Variants in MTF2 observed in about 807,000 individuals in gnomAD.
MTF2 encodes metal-response element-binding transcription factor 2.
A neutral mutation model predicts 79.5 loss-of-function variants in MTF2; 11 were observed. The ratio of observed to expected loss-of-function variants is 0.14; its 90% CI spans 0.09 to 0.23. The LOEUF (loss-of-function observed/expected upper bound fraction) is 0.23. Among genes scored for constraint, MTF2 ranks in the 10% least tolerant of loss-of-function variants. The probability of loss-of-function intolerance (pLI) is 1.00; values close to 1 mark genes in which losing one functional copy is unlikely to be tolerated. For synonymous variants in MTF2, 208 were observed against 232.8 expected, an observed-to-expected ratio of 0.89 and a Z score of 0.97; for missense variants, 486 against 711.2, an observed-to-expected ratio of 0.68 and a Z score of 3.60.
chr1:93,095,894 T>G (rs1444937045), intron 1 of MTF2, among the ~76,000 whole-genome samples: 1 of 151,904 alleles, frequency 6.6e-6, no homozygotes, highest in Non-Finnish European at 1.5e-5. Context: ...GACCTTGTGA[T>G]CCGCCCACCT....
chr1:93,137,848 G>T lies in MTF2; in HGVS notation c.*821G>T, dbSNP rs1647463555. 1 of 152,164 alleles carries T rather than the reference G, an allele frequency of 6.6e-6. No individual in the cohort carries two copies. The highest frequency in any genetic ancestry group is 6.5e-5 in the Admixed American group (1 of 15,280). 9.4% of individuals were successfully genotyped at this position (152,164 alleles called of 1,614,324 possible). A position where few individuals can be genotyped will look rare whatever the true frequency, so the allele number is the denominator to read the frequency against. On this transcript the variant is annotated 3_prime_UTR_variant, in exon 15 of 15. Transcript: ENST00000370298. ...TCTGAAGAAGGGTGTGAACAACAGT[G>T]TTCATGGGCTTTTAGAATGCTTTTC...
At chr1:93,106,602 C>G (rs977833482) in intron 1 of MTF2, among the ~76,000 whole-genome samples, 1 of 151,986 alleles carries the variant, frequency 6.6e-6, no homozygotes, top group African/African-American at 2.4e-5. Context: ...TCACTGCAAC[C>G]TCCACCTCCT....
chr1:93,136,109 T>C (rs991789785), intron 14 of MTF2, among the ~76,000 whole-genome samples: 1 of 152,168 alleles, frequency 6.6e-6, no homozygotes. Context: ...AACATAGAGA[T>C]TGAGATTTGA....
chr1:93,129,447 A>G lies in MTF2; in HGVS notation c.1159A>G (p.Arg387Gly). ...RKASKPISDS[R>G]EVSNGIEKKG... The stretch of plus-strand genomic sequence containing the variant: ...GGCATCCAAACCTATATCTGATTCA[A>G]GGTAAAAGTTGATCTGTGGCTTAGT... The change falls in exon 11 of 15, where the codon AGG (arginine) becomes GGG (glycine). Residue 387 changes from arginine to glycine, a missense_variant and splice_region_variant. By Grantham distance (125) the Arg-to-Gly change is moderately radical. Around this residue, in one of 4 missense-constraint regions of MTF2, gnomAD observed 209 missense variants for 206.5 expected, o/e 1.01. Transcript: ENST00000370298. 6.7e-7 allele frequency: 1 copy of G among 1,490,620 alleles called. No individual in the cohort carries two copies. Among genetic ancestry groups the G allele is most frequent in the Non-Finnish European group, 9.0e-7 (1 of 1,108,868 alleles). The allele number at this position is 1,490,620 out of a possible 1,614,324, so 92.3% of individuals were successfully genotyped here. A position where few individuals can be genotyped will look rare whatever the true frequency, so the allele number is the denominator to read the frequency against.
Position 93,119,206 on chromosome 1 carries a change from A to G in MTF2, c.729-127A>G, listed in dbSNP as rs955464025. The G allele has an allele frequency of 6.3e-5, 41 of 649,232 alleles. 3 individuals are homozygous for G. The Middle Eastern group carries it at 3.0e-3, about 47-fold the overall frequency. 40.2% of individuals were successfully genotyped at this position (649,232 alleles called of 1,614,324 possible). A position where few individuals can be genotyped will look rare whatever the true frequency, so the allele number is the denominator to read the frequency against. On this transcript the variant is annotated intron_variant, in intron 7 of 14. Transcript: ENST00000370298. ...CACAGAAAGCATTATAATTTAAATT[A>G]TATTTTGTTTTGAGTATCAGTCTTT... is the stretch of plus-strand genomic sequence containing the variant.
rs528311791 is a variant in MTF2 at position 93,137,768 on chromosome 1, G to A, written c.*741G>A. 6.6e-6 allele frequency: 1 copy of A among 152,220 alleles called. No individual in the cohort carries two copies. Among genetic ancestry groups the A allele is most frequent in the South Asian group, 2.1e-4 (1 of 4,814 alleles). 9.4% of individuals were successfully genotyped at this position (152,220 alleles called of 1,614,324 possible). On this transcript the variant is annotated 3_prime_UTR_variant, in exon 15 of 15. Transcript: ENST00000370298. ...CAGCATTTCTTCTCAGGCTTTTATT[G>A]GGTGCTGTTGCTTGCTATGTATGAA...
At position 93,137,017 on chromosome 1, in the gene MTF2, C is replaced by T; in HGVS notation, c.1772C>T (p.Thr591Ile). The change falls in exon 15 of 15, where the codon ACT becomes ATT. Residue 591 changes from threonine to isoleucine, a missense_variant. Transcript: ENST00000370298. The stretch of plus-strand genomic sequence containing the variant: ...TATCTTGTGGAATGGGAAGGAGCAA[C>T]TGCATCCTGACTGTAGGACTGAACA... ...VQYLVEWEGA[T>I]AS The T allele has an allele frequency of 6.2e-7, 1 of 1,613,248 alleles. No homozygotes were observed. Among genetic ancestry groups the T allele is most frequent in the Non-Finnish European group, 8.5e-7 (1 of 1,179,544 alleles).
At chr1:93,102,506 C>A (rs1655588177) in intron 1 of MTF2, among the ~76,000 whole-genome samples, 1 of 151,936 alleles carries the variant, frequency 6.6e-6, no homozygotes, top group South Asian at 2.1e-4. Context: ...GTGGGAGGAT[C>A]CCTTGAGCCC....
At chr1:93,113,911 T>C (rs1656142285) in intron 3 of MTF2, among the ~76,000 whole-genome samples, 1 of 152,170 alleles carries the variant, frequency 6.6e-6, no homozygotes, top group Non-Finnish European at 1.5e-5. Context: ...AAAGGCTGTG[T>C]ATTGTGAATT....
At chr1:93,112,620 A>G (rs1246756398) in intron 3 of MTF2, among the ~76,000 whole-genome samples, 1 of 152,214 alleles carries the variant, frequency 6.6e-6, no homozygotes, top group Non-Finnish European at 1.5e-5. Context: ...TTTATTCATA[A>G]GAAGTAATTC....
intron 1 of MTF2, among the ~76,000 whole-genome samples, chr1:93,105,682 T>TGTG (rs374767619): frequency 2.0e-5 from 3 of 146,412 alleles, no homozygotes; most frequent in South Asian, 2.2e-4. Context: ...TGTGTGTGTG[T>TGTG]TTTTTTTTTG....
chr1:93,131,560 A>G (rs2101094281), intron 11 of MTF2, among the ~76,000 whole-genome samples: 1 of 152,272 alleles, frequency 6.6e-6, no homozygotes, highest in Admixed American at 6.5e-5. Context: ...AACTATCTTT[A>G]AGGATCCTGA....
intron 6 of MTF2, among the ~76,000 whole-genome samples, chr1:93,116,649 C>T (rs768548224): frequency 3.3e-5 from 5 of 151,958 alleles, no homozygotes; most frequent in South Asian, 2.1e-4. Flanking sequence ...CACAGGCATG[C>T]GCCACCACAC....
chr1:93,095,016 A>G (rs1464155157), intron 1 of MTF2, among the ~76,000 whole-genome samples: 2 of 152,008 alleles, frequency 1.3e-5, no homozygotes, highest in Admixed American at 1.3e-4. Context: ...GGGGGTTCCA[A>G]GTGTCTTTTT....
intron 3 of MTF2, among the ~76,000 whole-genome samples, 170 bp from the exon 4 acceptor site, chr1:93,114,518 A>G (rs1656167858): frequency 6.6e-6 from 1 of 152,270 alleles, no homozygotes; most frequent in Non-Finnish European, 1.5e-5. Flanking sequence ...AGTTAAAGGT[A>G]GAAAGAACAC....
intron 9 of MTF2, 138 bp from the exon 10 acceptor site, chr1:93,127,094 G>A (rs964773519): frequency 9.8e-6 from 6 of 615,170 alleles, no homozygotes; most frequent in Non-Finnish European, 1.8e-5. Context: ...AGTCAGTGAG[G>A]ACTTGGAATT....
At chr1:93,087,336 C>T (rs1270360559) in intron 1 of MTF2, among the ~76,000 whole-genome samples, 1 of 152,070 alleles carries the variant, frequency 6.6e-6, no homozygotes, top group Non-Finnish European at 1.5e-5. Context: ...CTTTGGGAGG[C>T]CGAGGTGGGT....
intron 1 of MTF2, among the ~76,000 whole-genome samples, chr1:93,095,432 C>G (rs1655248756): frequency 6.6e-6 from 1 of 152,162 alleles, no homozygotes; most frequent in South Asian, 2.1e-4. Flanking sequence ...CCTCCGCCTC[C>G]TGGGTTCAAG....
At position 93,137,061 on chromosome 1, in the gene MTF2, G is replaced by C. The variant is rs772523941; in HGVS notation, c.*34G>C. 6.4e-7 allele frequency: 1 copy of C among 1,555,616 alleles called. No homozygotes were observed. The highest frequency in any genetic ancestry group is 2.3e-5 in the East Asian group (1 of 44,350). On this transcript the variant is annotated 3_prime_UTR_variant, in exon 15 of 15. Transcript: ENST00000370298. ...CTGAACATTATGTTCACTGCACTCT[G>C]ATTTTCTGTAGGTACAGTTCAAAGC...
Sources: allele counts gnomAD v4.1 joint callset (sites outside exome capture counted in the v4.1 genomes callset), GRCh38; gene constraint gnomAD v4.1.1; regional missense constraint gnomAD v4.1.1; transcripts MANE v1.5; gene names NCBI Gene and HGNC (gene_info 2026-07-23, HGNC 2026-07-21).